CD302: variants seen among roughly 807,000 people sequenced by gnomAD.
The protein encoded by CD302 is CD302 antigen.
Under a neutral mutation model 26.5 loss-of-function variants are expected in CD302, and 23 were observed. The ratio of observed to expected loss-of-function variants is 0.87; its 90% confidence interval spans 0.62 to 1.23. The LOEUF (loss-of-function observed/expected upper bound fraction) is 1.23, where lower values mean the gene tolerates loss of function less well. Ranked by LOEUF, CD302 falls within the 50% of genes most tolerant of loss-of-function variation. The pLI, the probability that CD302 is intolerant of heterozygous loss-of-function variation, is 0.00. For missense variants in CD302, 290 were observed against 275.5 expected (o/e 1.05, Z -0.37); for synonymous variants, 90 against 99.4 (o/e 0.91, Z 0.56).
rs527885770 is a variant in CD302 at position 159,777,829 on chromosome 2, A to G, written c.496+109T>C. 13 of 537,194 alleles carry G rather than the reference A, an allele frequency of 2.4e-5. No homozygotes were observed. The South Asian group carries it at 2.6e-4, about 11-fold the overall frequency. The allele number at this position is 537,194 out of a possible 1,614,324, so 33.3% of individuals were successfully genotyped here. On this transcript the variant is annotated intron_variant, in intron 5 of 5. Coordinates refer to ENST00000259053, the MANE Select transcript of CD302 (RefSeq NM_014880.5). ...TCTACATTCTTATAAAAATTGTTCT[A>G]CTTTATATTACATAATTTTAAAAAG...
At chr2:159,787,415 C>CT (rs1235413328) in intron 1 of CD302, among the ~76,000 whole-genome samples, 1 of 151,658 alleles carries the variant, frequency 6.6e-6, no homozygotes, top group East Asian at 1.9e-4. Context: ...CATTTATTGT[C>CT]TTTTTTGTAT....
At chr2:159,796,855 A>G (rs796898603) in intron 1 of CD302, among the ~76,000 whole-genome samples, 11 of 152,332 alleles carry the variant, frequency 7.2e-5, no homozygotes, top group African/African-American at 2.6e-4. Flanking sequence ...CGACTAGCCT[A>G]AAGTACAAAT....
intron 5 of CD302, among the ~76,000 whole-genome samples, chr2:159,775,685 G>A (rs1708293003): frequency 6.6e-6 from 1 of 152,132 alleles, no homozygotes; most frequent in African/African-American, 2.4e-5. Context: ...GTAGCATTAA[G>A]TACATTCACT....
chr2:159,777,366 A>G (rs943917331), intron 5 of CD302, among the ~76,000 whole-genome samples: 3 of 152,276 alleles, frequency 2.0e-5, no homozygotes, highest in African/African-American at 4.8e-5. Flanking sequence ...TAAATTGACA[A>G]TACCATCATG....
Position 159,771,937 on chromosome 2 carries a change from AAACT to A in CD302, c.609_612del (p.Val204PhefsTer16). On this transcript the variant is annotated frameshift_variant, in exon 6 of 6. Coordinates refer to ENST00000259053, the MANE Select transcript of CD302 (RefSeq NM_014880.5). LOFTEE classifies it high-confidence loss of function. ...TAAGGTGATTGGGGTGCGGTTGAAA[AAACT>A]GTGGTGAAACGAGAATCAGAATGTT... 6.2e-7 allele frequency: 1 copy of A among 1,614,028 alleles called. No individual in the cohort carries two copies. Among genetic ancestry groups the A allele is most frequent in the Non-Finnish European group, 8.5e-7 (1 of 1,179,944 alleles).
intron 1 of CD302, among the ~76,000 whole-genome samples, chr2:159,796,680 T>C (rs1312972673): frequency 6.6e-6 from 1 of 152,160 alleles, no homozygotes; most frequent in Non-Finnish European, 1.5e-5. Flanking sequence ...GAAAAGCCTA[T>C]TGATCCACAC....
At chr2:159,772,919 A>G (rs553543234) in intron 5 of CD302, among the ~76,000 whole-genome samples, 1 of 152,304 alleles carries the variant, frequency 6.6e-6, no homozygotes, top group East Asian at 1.9e-4. Context: ...GGGAGGAGTG[A>G]GGAAATGGCC....
intron 1 of CD302, among the ~76,000 whole-genome samples, chr2:159,787,280 A>G (rs572797064): frequency 6.6e-6 from 1 of 152,178 alleles, no homozygotes; most frequent in African/African-American, 2.4e-5. Flanking sequence ...CAGCTTGATC[A>G]CCTTTGTCTT....
At chr2:159,775,923 G>GT (rs1422454392) in intron 5 of CD302, among the ~76,000 whole-genome samples, 1 of 141,600 alleles carries the variant, frequency 7.1e-6, no homozygotes, top group Non-Finnish European at 1.5e-5. Flanking sequence ...GTTTTGTTTT[G>GT]TTTTAGATGG....
chr2:159,779,816 C>T (rs1172925243), intron 4 of CD302, among the ~76,000 whole-genome samples, 189 bp downstream of exon 4: 2 of 137,126 alleles, frequency 1.5e-5, no homozygotes, highest in Non-Finnish European at 3.3e-5. Context: ...GTTGCTCAAG[C>T]TGGTCTTCAA....
chr2:159,778,770 G>T (rs942897860), intron 4 of CD302, among the ~76,000 whole-genome samples: 5 of 152,080 alleles, frequency 3.3e-5, no homozygotes, highest in African/African-American at 1.2e-4. Context: ...GCCTCAAAAA[G>T]TGCTGGGATT....
intron 2 of CD302, 125 bp downstream of exon 2, chr2:159,783,234 A>G: frequency 1.4e-6 from 1 of 704,722 alleles, no homozygotes; most frequent in Admixed American, 3.5e-5. Context: ...TGTCAAATAA[A>G]AGTTGTACAT....
chr2:159,778,860 T>A (rs971758206), intron 4 of CD302, among the ~76,000 whole-genome samples: 1 of 152,110 alleles, frequency 6.6e-6, no homozygotes, highest in Non-Finnish European at 1.5e-5. Context: ...TTTCTAAAAC[T>A]TAGAATAACA....
chr2:159,797,298 C>T (rs372048557), intron 1 of CD302, among the ~76,000 whole-genome samples: 28 of 151,658 alleles, frequency 1.8e-4, no homozygotes, highest in African/African-American at 5.1e-4. Context: ...TCATTTAGTT[C>T]TTGTTTATTT....
At chr2:159,781,040 A>G in intron 2 of CD302, 42 bp from the exon 3 acceptor site, 1 of 1,474,864 alleles carries the variant, frequency 6.8e-7, no homozygotes, top group South Asian at 1.2e-5. Flanking sequence ...CATATTCCAG[A>G]ATCAGTGAAA....
chr2:159,776,622 C>CTTCTT (rs1560042187), intron 5 of CD302, among the ~76,000 whole-genome samples: 1 of 151,964 alleles, frequency 6.6e-6, no homozygotes, highest in Non-Finnish European at 1.5e-5. Flanking sequence ...AAACCCAACA[C>CTTCTT]TTCTTTTCTC....
chr2:159,772,058 A>G lies in CD302; in HGVS notation c.497-5T>C. ...CTGATATTAAAATGTGGTTATCTGA[A>G]AAGGAAAAGACAAAAGAGTATTTGG... On this transcript the variant is annotated splice_region_variant and splice_polypyrimidine_tract_variant and intron_variant, in intron 5 of 5. Transcript: ENST00000259053. 6.2e-7 allele frequency: 1 copy of G among 1,613,704 alleles called. No homozygotes were observed. The highest frequency in any genetic ancestry group is 8.5e-7 in the Non-Finnish European group (1 of 1,179,780).
intron 5 of CD302, among the ~76,000 whole-genome samples, chr2:159,773,579 G>A (rs905324737): frequency 3.3e-5 from 5 of 152,210 alleles, no homozygotes; most frequent in East Asian, 1.9e-4. Flanking sequence ...CAAGATGGGC[G>A]AGACACAGTA....
At chr2:159,797,815 T>G (rs1682505158) in intron 1 of CD302, among the ~76,000 whole-genome samples, 1 of 152,146 alleles carries the variant, frequency 6.6e-6, no homozygotes, top group Non-Finnish European at 1.5e-5. Flanking sequence ...CGACTCCAAG[T>G]CCCTCAGTTC....
Sources: gnomAD v4.1 joint callset for allele counts (sites outside exome capture counted in the v4.1 genomes callset) on GRCh38, gnomAD v4.1.1 for gene constraint, MANE v1.5 for transcripts, NCBI Gene and HGNC (gene_info 2026-07-23, HGNC 2026-07-21) for gene names.